Variants in MED27 observed in about 807,000 individuals in gnomAD.
The protein encoded by MED27 is mediator complex subunit 27, also known as mediator of RNA polymerase II transcription subunit 27.
A neutral mutation model predicts 38.2 loss-of-function variants in MED27; 30 were observed. That is an observed-to-expected ratio of 0.79 (90% CI 0.59 to 1.07). The LOEUF (loss-of-function observed/expected upper bound fraction) is 1.07. MED27 is among the 50% of genes least tolerant of loss of function. The probability of loss-of-function intolerance (pLI) is 0.00; values close to 1 mark genes in which losing one functional copy is unlikely to be tolerated. For missense variants in MED27, 289 were observed against 397.5 expected, an observed-to-expected ratio of 0.73 and a Z score of 2.32; for synonymous variants, 122 against 153.5, an observed-to-expected ratio of 0.79 and a Z score of 1.52.
At chr9:132,068,128 C>T (rs779792588) in intron 2 of MED27, among the ~76,000 whole-genome samples, 3 of 152,098 alleles carry the variant, frequency 2.0e-5, no homozygotes, top group Non-Finnish European at 4.4e-5. Flanking sequence ...TAGACCATGA[C>T]GACAACAACG....
intron 6 of MED27, among the ~76,000 whole-genome samples, chr9:131,867,892 C>T (rs567453154): frequency 1.9e-4 from 29 of 152,334 alleles, no homozygotes; most frequent in Admixed American, 6.5e-4. Flanking sequence ...GGTGCCCACA[C>T]TGCTGGTTAG....
intron 4 of MED27, among the ~76,000 whole-genome samples, chr9:131,901,668 GT>G (rs1480904095): frequency 1.3e-5 from 2 of 152,146 alleles, no homozygotes; most frequent in African/African-American, 4.8e-5. Context: ...CCCAAATGGG[GT>G]TCCAAATGGG....
At position 132,030,003 on chromosome 9, in the gene MED27, C is replaced by T. The variant is rs12003989; in HGVS notation, c.349-15536G>A. 5.3e-3 allele frequency among the ~76,000 whole-genome samples: 813 copies of T among 152,254 alleles called. 12 individuals are homozygous for T. The highest frequency in any genetic ancestry group is 0.018 in the African/African-American group (758 of 41,556). ...AGTGACATGGGCTGGCTGTGCTTCC[C>T]ACACAGAAAATGTGAGGATTTCCCA... On this transcript the variant is annotated intron_variant, in intron 2 of 7. Transcript: ENST00000292035.
At chr9:131,884,708 A>T (rs1284862825) in intron 5 of MED27, among the ~76,000 whole-genome samples, 1 of 150,950 alleles carries the variant, frequency 6.6e-6, no homozygotes, top group African/African-American at 2.4e-5. Flanking sequence ...CCCGGGTTCA[A>T]GTGATTCTCC....
At chr9:132,066,161 C>T (rs959091984) in intron 2 of MED27, among the ~76,000 whole-genome samples, 13 of 152,332 alleles carry the variant, frequency 8.5e-5, no homozygotes, top group African/African-American at 3.1e-4. Context: ...AGCAGGCAGC[C>T]GCAGTGTGGT....
intron 3 of MED27, among the ~76,000 whole-genome samples, chr9:132,004,458 C>T (rs1832311469): frequency 6.6e-6 from 1 of 152,178 alleles, no homozygotes; most frequent in African/African-American, 2.4e-5. Flanking sequence ...CTGCATTCTG[C>T]TACTTGATTA....
chr9:131,881,300 T>C (rs1304564327), intron 6 of MED27, among the ~76,000 whole-genome samples: 2 of 152,130 alleles, frequency 1.3e-5, no homozygotes, highest in Non-Finnish European at 2.9e-5. Context: ...AGTAAATACC[T>C]CTGGTATGGT....
chr9:132,063,990 G>C (rs1833753290), intron 2 of MED27, among the ~76,000 whole-genome samples: 1 of 152,210 alleles, frequency 6.6e-6, no homozygotes, highest in African/African-American at 2.4e-5. Context: ...GCTAAACAAA[G>C]CTCTTCAATG....
intron 4 of MED27, among the ~76,000 whole-genome samples, chr9:131,908,315 G>A (rs1444981274): frequency 7.9e-5 from 12 of 151,370 alleles, no homozygotes; most frequent in Non-Finnish European, 1.6e-4. Context: ...GCCTCTGCCC[G>A]GCCGCCCATA....
intron 2 of MED27, among the ~76,000 whole-genome samples, chr9:132,026,522 C>G (rs1245856418): frequency 2.6e-5 from 4 of 152,204 alleles, no homozygotes; most frequent in African/African-American, 9.6e-5. Context: ...AGTGCCGGAA[C>G]TGTCTTGTAC....
At chr9:131,880,115 G>A (rs530675644) in intron 6 of MED27, among the ~76,000 whole-genome samples, 6 of 152,262 alleles carry the variant, frequency 3.9e-5, no homozygotes, top group East Asian at 1.9e-4. Flanking sequence ...GCCAGTCACC[G>A]CCCTGGGATG....
intron 4 of MED27, among the ~76,000 whole-genome samples, chr9:131,894,654 A>C (rs185991874): frequency 2.6e-5 from 4 of 152,164 alleles, no homozygotes; most frequent in African/African-American, 9.6e-5. Context: ...GTGCAGTTTC[A>C]TGTATGCCAG....
At chr9:131,946,570 T>C (rs1338203870) in intron 3 of MED27, among the ~76,000 whole-genome samples, 1 of 152,196 alleles carries the variant, frequency 6.6e-6, no homozygotes, top group Non-Finnish European at 1.5e-5. Context: ...TGCTCCTTGT[T>C]TGTATAAGTA....
At chr9:132,045,413 T>TACACACAC (rs61360267) in intron 2 of MED27, among the ~76,000 whole-genome samples, 17 of 144,390 alleles carry the variant, frequency 1.2e-4, no homozygotes, top group African/African-American at 3.6e-4. Flanking sequence ...AAGAGGAAAT[T>TACACACAC]ACACACACAC....
At chr9:132,019,914 C>T (rs1460554859) in intron 2 of MED27, among the ~76,000 whole-genome samples, 2 of 152,240 alleles carry the variant, frequency 1.3e-5, no homozygotes, top group Non-Finnish European at 1.5e-5. Context: ...TCACTCTGCC[C>T]TCCTGCAGGC....
intron 2 of MED27, among the ~76,000 whole-genome samples, chr9:132,050,522 C>A (rs1462988699): frequency 6.6e-6 from 1 of 152,164 alleles, no homozygotes; most frequent in African/African-American, 2.4e-5. Flanking sequence ...GGGTCCAGGC[C>A]TGATTATGTT....
Position 132,079,816 on chromosome 9 carries a change from T to C in MED27, c.29A>G (p.Asn10Ser). MADVINVSV[N>S]LEAFSQAISA... ...AATGGCCTGGGAAAAGGCCTCCAGG[T>C]TCACACTGACATTTATCACGTCCGC... is the stretch of plus-strand genomic sequence containing the variant. Residue 10 changes from asparagine (N) to serine (S), a missense_variant, in exon 1 of 8, where the codon AAC becomes AGC. Asn to Ser is a conservative substitution (Grantham distance 46). Coordinates refer to ENST00000292035, the MANE Select transcript of MED27 (RefSeq NM_004269.4). The C allele has an allele frequency of 1.2e-6, 2 of 1,609,048 alleles. No individual in the cohort carries two copies. Among genetic ancestry groups the C allele is most frequent in the Non-Finnish European group, 1.7e-6 (2 of 1,177,806 alleles).
intron 3 of MED27, among the ~76,000 whole-genome samples, chr9:131,942,950 C>A (rs944829267): frequency 3.3e-5 from 5 of 152,050 alleles, no homozygotes; most frequent in Non-Finnish European, 7.4e-5. Flanking sequence ...AAAATAAGTT[C>A]CTAGGAAAAA....
chr9:132,047,897 T>C (rs528040718), intron 2 of MED27, among the ~76,000 whole-genome samples: 1 of 152,232 alleles, frequency 6.6e-6, no homozygotes, highest in South Asian at 2.1e-4. Flanking sequence ...AAAAAAAGAC[T>C]AGAAGGAGGT....
Sources: gnomAD v4.1 joint callset for allele counts (sites outside exome capture counted in the v4.1 genomes callset) on GRCh38, gnomAD v4.1.1 for gene constraint, MANE v1.5 for transcripts, NCBI Gene and HGNC (gene_info 2026-07-23, HGNC 2026-07-21) for gene names.